Variants in AUTS2 observed in about 807,000 individuals in gnomAD.
The protein encoded by AUTS2 is autism susceptibility gene 2 protein.
A neutral mutation model predicts 112.4 loss-of-function variants in AUTS2; 17 were observed. The ratio of observed to expected loss-of-function variants is 0.15; its 90% CI spans 0.10 to 0.23. The LOEUF (loss-of-function observed/expected upper bound fraction) is 0.23, where lower values mean the gene tolerates loss of function less well. Among genes scored for constraint, AUTS2 ranks in the 10% least tolerant of loss-of-function variants. The pLI is 1.00. For synonymous variants in AUTS2, 751 were observed against 702.7 expected (o/e 1.07, Z -1.09); for missense variants, 1,510 against 1,701.6 (o/e 0.89, Z 1.98).
intron 12 of AUTS2, 147 bp from the exon 13 acceptor site, chr7:70,775,210 G>A: frequency 1.4e-6 from 1 of 695,580 alleles, no homozygotes; most frequent in East Asian, 2.7e-5. Context: ...GTGTGAAAAT[G>A]GGTTAATTAT....
intron 2 of AUTS2, among the ~76,000 whole-genome samples, chr7:69,970,795 A>G (rs769696294): frequency 2.0e-4 from 30 of 152,186 alleles, no homozygotes; most frequent in Non-Finnish European, 3.7e-4. Flanking sequence ...TGCGTCTTCT[A>G]TAGTAACATA....
intron 2 of AUTS2, among the ~76,000 whole-genome samples, chr7:69,911,729 G>T (rs1207530612): frequency 6.6e-6 from 1 of 152,092 alleles, no homozygotes; most frequent in Non-Finnish European, 1.5e-5. Flanking sequence ...GCTGAGTCTC[G>T]GGTTTTTATG....
rs187627253 is a variant in AUTS2, at chr7:70,646,571, G to T, written c.691-51998G>T. On this transcript the variant is annotated intron_variant, in intron 5 of 18. Coordinates refer to ENST00000342771, the MANE Select transcript of AUTS2 (RefSeq NM_015570.4). ...GGGGATGAGCCAGCCCGCTGGAGGGGAGCCCACCGCCTCTGGCCCCCCAAG... is the reference window on the plus strand; with the variant it reads ...GGGGATGAGCCAGCCCGCTGGAGGGTAGCCCACCGCCTCTGGCCCCCCAAG... Among the ~76,000 whole-genome samples the T allele has an allele frequency of 1.2e-4, 18 of 152,350 alleles. 1 individual carries two copies. In the South Asian group the frequency reaches 3.5e-3, roughly 30 times the overall value.
chr7:69,911,933 T>C (rs1012211780), intron 2 of AUTS2, among the ~76,000 whole-genome samples: 3 of 152,124 alleles, frequency 2.0e-5, no homozygotes, highest in Non-Finnish European at 4.4e-5. Flanking sequence ...CCTGTCCCTT[T>C]CTGCCCTGAA....
Position 70,785,942 on chromosome 7 carries a change from A to T in AUTS2, c.2225-13A>T. 1 of 1,613,442 alleles carries T rather than the reference A, an allele frequency of 6.2e-7. No individual in the cohort carries two copies. Among genetic ancestry groups the T allele is most frequent in the Non-Finnish European group, 8.5e-7 (1 of 1,179,756 alleles). ...GCCCCTGACCATTTCCTTCTTCCCC[A>T]TCTTGTTTGCAGAGCCTTTTAATCG... On this transcript the variant is annotated splice_polypyrimidine_tract_variant and intron_variant, in intron 16 of 18. Coordinates refer to ENST00000342771, the MANE Select transcript of AUTS2 (RefSeq NM_015570.4).
chr7:70,346,702 A>C (rs1358964360), intron 4 of AUTS2, among the ~76,000 whole-genome samples: 1 of 152,102 alleles, frequency 6.6e-6, no homozygotes, highest in Non-Finnish European at 1.5e-5. Flanking sequence ...CAAACCCTTC[A>C]CCTACCACAT....
chr7:70,084,687 A>C (rs1179162094), intron 2 of AUTS2, among the ~76,000 whole-genome samples: 1 of 151,940 alleles, frequency 6.6e-6, no homozygotes, highest in African/African-American at 2.4e-5. Flanking sequence ...TTTTTGGTGA[A>C]TTCTGTTTAT....
chr7:69,893,525 T>C (rs1794613243), intron 1 of AUTS2, among the ~76,000 whole-genome samples: 1 of 152,184 alleles, frequency 6.6e-6, no homozygotes, highest in Admixed American at 6.5e-5. Context: ...ACTTTTTTCT[T>C]TTTCTCCTGG....
intron 5 of AUTS2, among the ~76,000 whole-genome samples, chr7:70,692,733 G>A (rs886466258): frequency 6.6e-6 from 1 of 151,500 alleles, no homozygotes; most frequent in African/African-American, 2.4e-5. Context: ...TAGAGGAGGG[G>A]GAAGTATGCC....
intron 5 of AUTS2, among the ~76,000 whole-genome samples, chr7:70,591,956 G>A (rs1802968358): frequency 6.6e-6 from 1 of 152,142 alleles, no homozygotes; most frequent in Non-Finnish European, 1.5e-5. Context: ...TCATGGCTGA[G>A]CCTTCAATAG....
At chr7:70,739,063 T>C (rs1462695431) in intron 6 of AUTS2, among the ~76,000 whole-genome samples, 1 of 130,396 alleles carries the variant, frequency 7.7e-6, no homozygotes, top group Non-Finnish European at 1.5e-5. Flanking sequence ...TCTTGCTCTG[T>C]TGCCCAGGCT....
chr7:69,701,607 C>G (rs1797811904), intron 1 of AUTS2, among the ~76,000 whole-genome samples: 1 of 152,174 alleles, frequency 6.6e-6, no homozygotes, highest in African/African-American at 2.4e-5. Context: ...AAAGGGGGAA[C>G]TGTTAGAACT....
intron 1 of AUTS2, among the ~76,000 whole-genome samples, chr7:69,620,060 A>G (rs180744434): frequency 6.6e-6 from 1 of 152,352 alleles, no homozygotes; most frequent in African/African-American, 2.4e-5. Flanking sequence ...GAGACATTAA[A>G]GCTTCCAGGG....
At chr7:70,323,779 T>G (rs1413718772) in intron 4 of AUTS2, among the ~76,000 whole-genome samples, 1 of 152,240 alleles carries the variant, frequency 6.6e-6, no homozygotes, top group Non-Finnish European at 1.5e-5. Flanking sequence ...GCTGTGCTTA[T>G]TTAACTGCTT....
chr7:70,407,301 T>C (rs910728739), intron 4 of AUTS2, among the ~76,000 whole-genome samples: 2 of 152,234 alleles, frequency 1.3e-5, no homozygotes, highest in African/African-American at 4.8e-5. Context: ...TAATTATCCC[T>C]GTTAATTACA....
At chr7:70,111,715 A>G (rs1805098370) in intron 2 of AUTS2, among the ~76,000 whole-genome samples, 1 of 152,160 alleles carries the variant, frequency 6.6e-6, no homozygotes, top group Non-Finnish European at 1.5e-5. Flanking sequence ...AGATTTTGGC[A>G]CAAGTTAGCT....
intron 2 of AUTS2, among the ~76,000 whole-genome samples, chr7:70,027,811 A>G (rs368288143): frequency 9.2e-5 from 14 of 152,318 alleles, no homozygotes; most frequent in African/African-American, 3.4e-4. Flanking sequence ...CCTCAGGGAA[A>G]TATGGGAAAT....
intron 4 of AUTS2, among the ~76,000 whole-genome samples, chr7:70,271,736 A>G (rs1043273775): frequency 1.3e-5 from 2 of 152,234 alleles, no homozygotes; most frequent in African/African-American, 4.8e-5. Context: ...AACAGCAATT[A>G]TGTGTAAATG....
intron 2 of AUTS2, among the ~76,000 whole-genome samples, chr7:70,068,419 C>T (rs993126426): frequency 5.3e-5 from 8 of 151,782 alleles, no homozygotes; most frequent in African/African-American, 7.3e-5. Flanking sequence ...CTCCTGACTT[C>T]GTGATCTGCC....
Sources: allele counts gnomAD v4.1 joint callset (sites outside exome capture counted in the v4.1 genomes callset), GRCh38; gene constraint gnomAD v4.1.1; transcripts MANE v1.5; gene names NCBI Gene and HGNC (gene_info 2026-07-23, HGNC 2026-07-21).